The following CNTNAP2 variants were observed in gnomAD, a reference collection of about 807,000 sequenced individuals.
CNTNAP2 encodes contactin associated protein 2.
In CNTNAP2, 98 loss-of-function variants were observed where a neutral mutation model predicts 155.2. That is an observed-to-expected ratio of 0.63 (90% CI 0.54 to 0.75). The LOEUF is 0.75. Ranked by LOEUF, CNTNAP2 falls within the 30% of genes least tolerant of loss-of-function variation. The pLI is 0.00. For missense variants in CNTNAP2, 1,727 were observed against 1,688.1 expected (o/e 1.02, Z -0.40); for synonymous variants, 651 against 631.2 (o/e 1.03, Z -0.47).
chr7:148,207,331 G>C (rs1795467535), intron 18 of CNTNAP2, among the ~76,000 whole-genome samples: 1 of 152,148 alleles, frequency 6.6e-6, no homozygotes, highest in African/African-American at 2.4e-5. Context: ...CCGCCTCTTA[G>C]GCTGGCTGGA....
Position 146,340,077 on chromosome 7 carries a change from G to A in CNTNAP2, c.97+223104G>A, listed in dbSNP as rs1184293732. Among the ~76,000 whole-genome samples, 3 of 149,988 alleles carry A rather than the reference G, an allele frequency of 2.0e-5. 1 individual carries two copies. The highest frequency in any genetic ancestry group is 6.7e-5 in the Admixed American group (1 of 14,982). ...CCAGCTACTCAGCAGGCTGAGGCAGGAGAATGGCGTGAACCCGGGAGGCTG... is the reference window on the plus strand; with the variant it reads ...CCAGCTACTCAGCAGGCTGAGGCAGAAGAATGGCGTGAACCCGGGAGGCTG... On this transcript the variant is annotated intron_variant, in intron 1 of 23. Transcript: ENST00000361727.
intron 12 of CNTNAP2, among the ~76,000 whole-genome samples, chr7:147,582,792 C>T (rs909789690): frequency 2.0e-5 from 3 of 152,014 alleles, no homozygotes; most frequent in Admixed American, 1.3e-4. Context: ...CATATCCTAC[C>T]CTGACTTTAC....
chr7:147,594,243 A>G (rs945055255), intron 12 of CNTNAP2, among the ~76,000 whole-genome samples: 1 of 149,306 alleles, frequency 6.7e-6, no homozygotes, highest in African/African-American at 2.5e-5. Flanking sequence ...ACCCTGCATC[A>G]GCCTCCCCAG....
intron 14 of CNTNAP2, among the ~76,000 whole-genome samples, chr7:147,944,055 A>T (rs2116819425): frequency 6.6e-6 from 1 of 152,212 alleles, no homozygotes; most frequent in Admixed American, 6.5e-5. Context: ...CTCAATGGGG[A>T]AGTTTCCCAG....
chr7:146,467,035 A>G (rs1276617470), intron 1 of CNTNAP2, among the ~76,000 whole-genome samples: 1 of 152,146 alleles, frequency 6.6e-6, no homozygotes, highest in Admixed American at 6.6e-5. Context: ...ACAAAGTGGT[A>G]TCATTGGGGG....
intron 21 of CNTNAP2, among the ~76,000 whole-genome samples, chr7:148,351,430 G>A (rs1798422819): frequency 6.6e-6 from 1 of 151,988 alleles, no homozygotes; most frequent in African/African-American, 2.4e-5. Context: ...GCATTGTTTA[G>A]TACCCTGTTG....
intron 15 of CNTNAP2, among the ~76,000 whole-genome samples, chr7:148,080,664 C>T (rs1803583265): frequency 6.6e-6 from 1 of 151,504 alleles, no homozygotes. Context: ...GCACTACCTA[C>T]CTATGCCTTG....
At chr7:146,540,054 A>G (rs1797928096) in intron 1 of CNTNAP2, among the ~76,000 whole-genome samples, 1 of 152,046 alleles carries the variant, frequency 6.6e-6, no homozygotes, top group Admixed American at 6.6e-5. Context: ...AAGACAGAGC[A>G]CTGGATAAGG....
chr7:147,092,841 CA>C (rs1229552815), intron 4 of CNTNAP2, among the ~76,000 whole-genome samples: 4 of 152,104 alleles, frequency 2.6e-5, no homozygotes, highest in African/African-American at 7.2e-5. Context: ...TGTTTAGTTG[CA>C]GCAAGCATGT....
At chr7:148,215,104 G>A (rs759146363) in intron 18 of CNTNAP2, among the ~76,000 whole-genome samples, 9 of 152,166 alleles carry the variant, frequency 5.9e-5, no homozygotes, top group East Asian at 1.9e-4. Context: ...AATGGACTCC[G>A]TAACAGTGCC....
At chr7:147,384,804 A>C (rs1378724785) in intron 9 of CNTNAP2, among the ~76,000 whole-genome samples, 1 of 152,214 alleles carries the variant, frequency 6.6e-6, no homozygotes, top group Non-Finnish European at 1.5e-5. Flanking sequence ...TACCAAAAAA[A>C]TTGCAAGAAG....
intron 1 of CNTNAP2, among the ~76,000 whole-genome samples, chr7:146,721,380 C>CTATATACATTCTA (rs1563203502): frequency 9.0e-6 from 1 of 111,698 alleles, no homozygotes; most frequent in African/African-American, 3.5e-5. Context: ...TATATACATT[C>CTATATACATTCTA]TATATACATT....
At chr7:147,603,442 G>A (rs1738213777) in intron 12 of CNTNAP2, among the ~76,000 whole-genome samples, 1 of 152,026 alleles carries the variant, frequency 6.6e-6, no homozygotes, top group Admixed American at 6.6e-5. Context: ...CAAACAGAGA[G>A]CCAAATCATG....
intron 8 of CNTNAP2, among the ~76,000 whole-genome samples, chr7:147,197,058 A>G (rs1563112217): frequency 6.6e-6 from 1 of 152,210 alleles, no homozygotes; most frequent in East Asian, 1.9e-4. Flanking sequence ...GCCCTTTGCA[A>G]TCCCCCCTCC....
At chr7:146,508,784 C>A (rs1307969722) in intron 1 of CNTNAP2, among the ~76,000 whole-genome samples, 1 of 152,202 alleles carries the variant, frequency 6.6e-6, no homozygotes, top group East Asian at 1.9e-4. Context: ...GATTCAGGGA[C>A]AATTGCCTCC....
chr7:147,476,250 C>T (rs1160855316), intron 10 of CNTNAP2, among the ~76,000 whole-genome samples: 1 of 151,930 alleles, frequency 6.6e-6, no homozygotes, highest in East Asian at 2.0e-4. Flanking sequence ...GGACTACAGG[C>T]GCCCGCCACC....
At chr7:147,242,075 T>C (rs932928471) in intron 8 of CNTNAP2, among the ~76,000 whole-genome samples, 1 of 152,242 alleles carries the variant, frequency 6.6e-6, no homozygotes, top group Non-Finnish European at 1.5e-5. Context: ...TCCTGATTTT[T>C]TCATCGCTTT....
At chr7:147,636,756 T>C (rs1795187527) in intron 12 of CNTNAP2, among the ~76,000 whole-genome samples, 1 of 152,214 alleles carries the variant, frequency 6.6e-6, no homozygotes, top group Non-Finnish European at 1.5e-5. Flanking sequence ...CCAATTATTG[T>C]GCAATCTCTG....
At chr7:146,684,638 G>GAAAAA (rs1800562705) in intron 1 of CNTNAP2, among the ~76,000 whole-genome samples, 2 of 4,394 alleles carry the variant, frequency 4.6e-4, no homozygotes, top group Non-Finnish European at 1.1e-3. Context: ...TAGATCCAGC[G>GAAAAA]CAAAAAAAAA....
Sources: gnomAD v4.1 joint callset for allele counts (sites outside exome capture counted in the v4.1 genomes callset) on GRCh38, gnomAD v4.1.1 for gene constraint, MANE v1.5 for transcripts, NCBI Gene and HGNC (gene_info 2026-07-23, HGNC 2026-07-21) for gene names.